C12orf54: variants seen among roughly 807,000 people sequenced by gnomAD.
C12orf54 encodes the protein chromosome 12 open reading frame 54.
In C12orf54, 24 loss-of-function variants were observed where a neutral mutation model predicts 26.4. That is an observed-to-expected ratio of 0.91 (90% CI 0.66 to 1.28). The LOEUF (loss-of-function observed/expected upper bound fraction) is 1.28. Among genes scored for constraint, C12orf54 ranks in the 50% most tolerant of loss-of-function variants. The pLI is 0.00. For missense variants in C12orf54, 154 were observed against 150.9 expected (o/e 1.02, Z -0.11); for synonymous variants, 54 against 47.0 (o/e 1.15, Z -0.61).
upstream of C12orf54, among the ~76,000 whole-genome samples, chr12:48,479,725 T>C (rs1382042344): frequency 2.0e-5 from 3 of 152,056 alleles, no homozygotes; most frequent in Non-Finnish European, 4.4e-5. Flanking sequence ...TGTCCCTCTC[T>C]GGTTGCTTCA....
chr12:48,417,313 G>A, the C12orf54 span: 1 of 152,184 alleles, frequency 6.6e-6, no homozygotes, highest in African/African-American at 2.4e-5. Flanking sequence ...GATGAACTCG[G>A]AGATAATGCT....
the C12orf54 span, among the ~76,000 whole-genome samples, chr12:48,474,468 G>A: frequency 3.3e-5 from 5 of 152,180 alleles, no homozygotes; most frequent in Admixed American, 3.3e-4. Flanking sequence ...GAAGTGCAAG[G>A]GGTCAGGGAA....
chr12:48,464,295 C>T, the C12orf54 span, among the ~76,000 whole-genome samples: 1 of 151,968 alleles, frequency 6.6e-6, no homozygotes, highest in African/African-American at 2.4e-5. Context: ...AACCTGAGAG[C>T]CAAATGAGGA....
the C12orf54 span, among the ~76,000 whole-genome samples, chr12:48,415,212 A>G: frequency 1.3e-5 from 2 of 152,170 alleles, no homozygotes; most frequent in Non-Finnish European, 2.9e-5. Flanking sequence ...TCACGTACTA[A>G]AAACAAACAA....
chr12:48,460,848 A>G, the C12orf54 span, among the ~76,000 whole-genome samples: 778 of 152,248 alleles, frequency 5.1e-3, 14 homozygotes, highest in African/African-American at 0.018. Context: ...ACTCATACAA[A>G]GATGCAGGAA....
the C12orf54 span, among the ~76,000 whole-genome samples, chr12:48,467,104 G>C: frequency 6.6e-6 from 1 of 152,106 alleles, no homozygotes; most frequent in African/African-American, 2.4e-5. Context: ...GATCATCCTA[G>C]ATTAGGATGA....
At chr12:48,488,211 G>A (rs1937695800) in intron 4 of C12orf54, 1 of 695,642 alleles carries the variant, frequency 1.4e-6, no homozygotes, top group Non-Finnish European at 2.7e-6. Flanking sequence ...CCTGGAGTCT[G>A]TGCCTGTCAC....
the C12orf54 span, chr12:48,472,556 T>C: frequency 7.6e-7 from 1 of 1,312,066 alleles, no homozygotes; most frequent in Non-Finnish European, 1.1e-6. Context: ...GAATTTACTT[T>C]CGGAGAACCC....
intron 8 of C12orf54, among the ~76,000 whole-genome samples, chr12:48,495,905 A>C (rs1257591559): frequency 2.0e-5 from 3 of 152,222 alleles, no homozygotes; most frequent in Non-Finnish European, 4.4e-5. Context: ...GTTTGGGTTC[A>C]GATTGTAAGG....
chr12:48,472,728 C>T, the C12orf54 span: 1 of 1,614,148 alleles, frequency 6.2e-7, no homozygotes, highest in Non-Finnish European at 8.5e-7. Flanking sequence ...TGTGAAAGAA[C>T]TTTTCCTGGA....
chr12:48,422,335 A>G, the C12orf54 span, among the ~76,000 whole-genome samples: 3 of 152,360 alleles, frequency 2.0e-5, no homozygotes, highest in Admixed American at 1.3e-4. Context: ...CAAATGCTGA[A>G]TTAGGATATA....
At chr12:48,450,499 G>A in the C12orf54 span, among the ~76,000 whole-genome samples, 12 of 152,230 alleles carry the variant, frequency 7.9e-5, no homozygotes, top group Non-Finnish European at 1.8e-4. Context: ...CTGAACTGAA[G>A]GAGACAGAGA....
rs753361083 is a variant in C12orf54, at chr12:48,486,181, A to T, written c.69A>T (p.Thr23=). 3.7e-6 allele frequency: 6 copies of T among 1,611,114 alleles called. No individual in the cohort carries two copies. The East Asian group carries it at 6.7e-5, about 18-fold the overall frequency. ...TTATATCATTCTTTCTTTGCAGCAC[A>T]TCCATAGAAGAGACAATGAGACCAC... ...VEMTSKQQRS[T]SIEETMRPQE... Residue 23 remains threonine, a synonymous_variant, in exon 3 of 9, where the codon ACA becomes ACT. Coordinates refer to ENST00000548364, the MANE Select transcript of C12orf54 (RefSeq NM_152319.4).
the C12orf54 span, among the ~76,000 whole-genome samples, chr12:48,472,371 TGAG>T: frequency 5.7e-4 from 87 of 152,214 alleles, no homozygotes; most frequent in Non-Finnish European, 9.7e-4. Flanking sequence ...CTAGAGATGA[TGAG>T]AAGTGATCAG....
the C12orf54 span, chr12:48,473,286 G>A: frequency 3.7e-6 from 4 of 1,094,678 alleles, no homozygotes; most frequent in African/African-American, 1.6e-5. Context: ...TGGAGACGAG[G>A]AGGAGAAGGA....
chr12:48,491,286 T>A (rs1032904762), intron 6 of C12orf54, among the ~76,000 whole-genome samples: 6 of 152,242 alleles, frequency 3.9e-5, no homozygotes, highest in African/African-American at 1.4e-4. Context: ...TTTTTCACTG[T>A]GTCCTCACAT....
chr12:48,473,183 T>C, the C12orf54 span: 1 of 1,408,098 alleles, frequency 7.1e-7, no homozygotes, highest in Non-Finnish European at 1.0e-6. Context: ...AGGAGGAGGA[T>C]GAGGATGAGG....
chr12:48,480,503 G>T (rs1003060477), upstream of C12orf54, among the ~76,000 whole-genome samples: 16 of 152,114 alleles, frequency 1.1e-4, no homozygotes, highest in Admixed American at 1.0e-3. Context: ...CTAATTATCA[G>T]AGAAATACAA....
chr12:48,473,283 G>C, the C12orf54 span: 2 of 1,093,396 alleles, frequency 1.8e-6, no homozygotes, highest in South Asian at 2.6e-5. Flanking sequence ...GAGTGGAGAC[G>C]AGGAGGAGAA....
Sources: allele counts gnomAD v4.1 joint callset (sites outside exome capture counted in the v4.1 genomes callset), GRCh38; gene constraint gnomAD v4.1.1; transcripts MANE v1.5; gene names NCBI Gene and HGNC (gene_info 2026-07-23, HGNC 2026-07-21).